POP1: variants seen among roughly 807,000 people sequenced by gnomAD.
The protein encoded by POP1 is POP1 ribonuclease P/MRP subunit.
POP1 carries 75 observed loss-of-function variants against 102.2 expected under a neutral mutation model. The ratio of observed to expected loss-of-function variants is 0.73; its 90% CI spans 0.61 to 0.89. The LOEUF (loss-of-function observed/expected upper bound fraction) is 0.89. POP1 is among the 40% of genes least tolerant of loss of function. The pLI is 0.00. For missense variants in POP1, 1,116 were observed against 1,267.4 expected (o/e 0.88, Z 1.81); for synonymous variants, 436 against 464.1 (o/e 0.94, Z 0.78).
intron 1 of POP1, among the ~76,000 whole-genome samples, chr8:98,120,461 A>C (rs1215147326): frequency 6.6e-6 from 1 of 152,128 alleles, no homozygotes; most frequent in African/African-American, 2.4e-5. Flanking sequence ...CATGTACAGT[A>C]TGTATATGTT....
chr8:98,140,258 C>T (rs1816668241), intron 10 of POP1, 69 bp downstream of exon 10: 11 of 1,222,750 alleles, frequency 9.0e-6, no homozygotes, highest in South Asian at 4.9e-5. Flanking sequence ...GCAGTTGGGC[C>T]TCCAACATGT....
chr8:98,138,328 C>T (rs1017180455), intron 9 of POP1, among the ~76,000 whole-genome samples: 2 of 152,218 alleles, frequency 1.3e-5, no homozygotes, highest in East Asian at 3.9e-4. Flanking sequence ...CACCCTTCTA[C>T]ACTTCAGCCA....
At position 98,156,359 on chromosome 8, in the gene POP1, G is replaced by A; in HGVS notation, c.2367G>A (p.Gln789=). ...CAGGGCCTGAGAGGATCACAGACCA[G>A]GAGGCCAGTGAAAACCATGTTGCTG... ...ESAGPERITD[Q]EASENHVAAT... The change falls in exon 15 of 16, where the codon CAG becomes CAA. Residue 789 remains glutamine, a synonymous_variant. Transcript: ENST00000401707. 1 of 1,614,020 alleles carries A rather than the reference G, an allele frequency of 6.2e-7. No homozygotes were observed. The highest frequency in any genetic ancestry group is 8.5e-7 in the Non-Finnish European group (1 of 1,180,002).
chr8:98,148,964 C>T lies in POP1; in HGVS notation c.1860C>T (p.Val620=). 1 of 1,613,612 alleles carries T rather than the reference C, an allele frequency of 6.2e-7. No homozygotes were observed. The highest frequency in any genetic ancestry group is 1.1e-5 in the South Asian group (1 of 91,008). Residue 620 remains valine (V), a synonymous_variant, in exon 13 of 16, where the codon GTC becomes GTT. Transcript: ENST00000401707. The stretch of plus-strand genomic sequence containing the variant: ...TAGGCTGGGGAAGTGGCTGGGATGT[C>T]CTACTCCCAAAGGGCTGGGGCATGG... The part of the protein sequence containing the change: ...DRLGWGSGWD[V]LLPKGWGMAF...
At chr8:98,154,858 T>C (rs866388920) in intron 14 of POP1, among the ~76,000 whole-genome samples, 58 of 152,182 alleles carry the variant, frequency 3.8e-4, no homozygotes, top group African/African-American at 1.3e-3. Flanking sequence ...CTTTCAGTAC[T>C]GGTATAAAGT....
At chr8:98,118,517 CT>C (rs1815915084) in intron 1 of POP1, among the ~76,000 whole-genome samples, 1 of 152,140 alleles carries the variant, frequency 6.6e-6, no homozygotes, top group African/African-American at 2.4e-5. Context: ...CCTTGACCTC[CT>C]GGGCTGAAGC....
chr8:98,150,132 G>A (rs1006413021), intron 13 of POP1, among the ~76,000 whole-genome samples: 2 of 152,012 alleles, frequency 1.3e-5, no homozygotes, highest in Non-Finnish European at 2.9e-5. Flanking sequence ...CGCTGATTTC[G>A]GTATTTGCTA....
At chr8:98,145,603 A>G (rs1816822094) in intron 11 of POP1, among the ~76,000 whole-genome samples, 1 of 152,092 alleles carries the variant, frequency 6.6e-6, no homozygotes, top group South Asian at 2.1e-4. Flanking sequence ...CACTGAAAAT[A>G]TGTTTATTTT....
chr8:98,131,463 A>G (rs887084692), intron 5 of POP1, among the ~76,000 whole-genome samples: 12 of 152,344 alleles, frequency 7.9e-5, no homozygotes, highest in African/African-American at 2.9e-4. Context: ...GATGTATTCC[A>G]TTGTAGGTAT....
chr8:98,136,783 A>T, intron 8 of POP1, 45 bp downstream of exon 8: 2 of 1,609,878 alleles, frequency 1.2e-6, no homozygotes, highest in Non-Finnish European at 1.7e-6. Flanking sequence ...TTTTCAGTGA[A>T]GACCTGCTCC....
chr8:98,135,700 A>T (rs201605241), intron 7 of POP1, among the ~76,000 whole-genome samples: 5 of 30,600 alleles, frequency 1.6e-4, no homozygotes, highest in East Asian at 3.9e-3. Context: ...AAATTAAATT[A>T]AAAAAAATTT....
chr8:98,142,305 C>T (rs1291724873), intron 11 of POP1, among the ~76,000 whole-genome samples: 2 of 152,142 alleles, frequency 1.3e-5, no homozygotes, highest in African/African-American at 4.8e-5. Context: ...AATCCTTCTG[C>T]CTCGGCCTCC....
At position 98,143,891 on chromosome 8, in the gene POP1, C is replaced by T. The variant is rs149090929; in HGVS notation, c.1595-2677C>T. Among the ~76,000 whole-genome samples, 4 of 152,226 alleles carry T rather than the reference C, an allele frequency of 2.6e-5. No homozygotes were observed. The East Asian group carries it at 5.8e-4, about 22-fold the overall frequency. On this transcript the variant is annotated intron_variant, in intron 11 of 15. Coordinates refer to ENST00000401707, the MANE Select transcript of POP1 (RefSeq NM_001145860.2). ...TATGTAGGCCAGGCATGGTGGCTCA[C>T]GCCTGTAATCCCAGCACTTTGGGAG...
At chr8:98,139,519 A>C (rs112075863) in intron 9 of POP1, among the ~76,000 whole-genome samples, 2,061 of 152,230 alleles carry the variant, frequency 0.014, 52 homozygotes, top group African/African-American at 0.046. Flanking sequence ...CCAGGAATTC[A>C]AGACCAGCCT....
chr8:98,157,348 C>G (rs1417751182), intron 15 of POP1, among the ~76,000 whole-genome samples: 1 of 152,162 alleles, frequency 6.6e-6, no homozygotes, highest in Non-Finnish European at 1.5e-5. Flanking sequence ...ACTGTGATTA[C>G]AATCCTAGAT....
At position 98,158,170 on chromosome 8, in the gene POP1, G is replaced by A. The variant is rs773845363; in HGVS notation, c.2974G>A (p.Asp992Asn). Residue 992 changes from aspartate to asparagine, a missense_variant, in exon 16 of 16, where the codon GAT (aspartate) becomes AAT (asparagine). By Grantham distance (23) the Asp-to-Asn change is conservative (BLOSUM62 1). Coordinates refer to ENST00000401707, the MANE Select transcript of POP1 (RefSeq NM_001145860.2). ...LGFVSLTGLL[D>N]MLSSQPAAQR... The stretch of plus-strand genomic sequence containing the variant: ...GTTTGTTAGCTTGACAGGCTTGCTG[G>A]ATATGCTGTCCAGCCAGCCTGCAGC... 1.2e-6 allele frequency: 2 copies of A among 1,611,232 alleles called. No homozygotes were observed. The highest frequency in any genetic ancestry group is 1.7e-5 in the Admixed American group (1 of 59,902).
At chr8:98,151,750 T>TTC (rs1242312046) in intron 14 of POP1, among the ~76,000 whole-genome samples, 1 of 149,934 alleles carries the variant, frequency 6.7e-6, no homozygotes, top group Non-Finnish European at 1.5e-5. Context: ...CTTTTTTTTT[T>TTC]TTTTTTTTTT....
At position 98,149,077 on chromosome 8, in the gene POP1, A is replaced by G. The variant is rs993431762; in HGVS notation, c.1902+71A>G. On this transcript the variant is annotated intron_variant, in intron 13 of 15. Transcript: ENST00000401707. ...TCCTAATAAATGCTAAGTACTCAAA[A>G]TGTTCCAGACTTTATGTACAACTTA... is the stretch of plus-strand genomic sequence containing the variant. The G allele has an allele frequency of 2.1e-6, 3 of 1,405,730 alleles. No homozygotes were observed. In the African/African-American group the frequency reaches 4.3e-5, roughly 20 times the overall value. 87.1% of individuals were successfully genotyped at this position (1,405,730 alleles called of 1,614,324 possible). A position where few individuals can be genotyped will look rare whatever the true frequency, so the allele number is the denominator to read the frequency against.
intron 1 of POP1, among the ~76,000 whole-genome samples, chr8:98,120,596 C>T (rs1431154615): frequency 2.6e-5 from 4 of 151,528 alleles, no homozygotes; most frequent in African/African-American, 7.3e-5. Context: ...CTCAGCCTCC[C>T]GAGCAGCTGG....
Sources: gnomAD v4.1 joint callset for allele counts (sites outside exome capture counted in the v4.1 genomes callset) on GRCh38, gnomAD v4.1.1 for gene constraint, MANE v1.5 for transcripts, NCBI Gene and HGNC (gene_info 2026-07-23, HGNC 2026-07-21) for gene names.